Variants in USH2A observed in about 807,000 individuals in gnomAD.
The protein encoded by USH2A is Usher syndrome 2A (autosomal recessive, mild).
A neutral mutation model predicts 538.9 loss-of-function variants in USH2A; 443 were observed. The observed-to-expected ratio is 0.82, with a 90% CI of 0.76 to 0.89. The LOEUF is 0.89. Among genes scored for constraint, USH2A ranks in the 40% least tolerant of loss-of-function variants. The probability of loss-of-function intolerance (pLI) is 0.00; values close to 1 mark genes in which losing one functional copy is unlikely to be tolerated. For synonymous variants in USH2A, 2,413 were observed against 2,273.5 expected (o/e 1.06, Z -1.75); for missense variants, 6,633 against 6,324.8 (o/e 1.05, Z -1.65).
At chr1:216,243,666 T>G (rs1463736927) in intron 13 of USH2A, among the ~76,000 whole-genome samples, 1 of 152,170 alleles carries the variant, frequency 6.6e-6, no homozygotes, top group Non-Finnish European at 1.5e-5. Flanking sequence ...ATATGGAAGT[T>G]CCCTGTAGAG....
intron 49 of USH2A, among the ~76,000 whole-genome samples, chr1:215,808,107 C>A (rs1292109798): frequency 6.6e-6 from 1 of 152,108 alleles, no homozygotes; most frequent in Non-Finnish European, 1.5e-5. Flanking sequence ...GGAAACACTA[C>A]ACAAAACTTA....
At chr1:216,312,849 T>A (rs1571690379) in intron 9 of USH2A, among the ~76,000 whole-genome samples, 2 of 152,306 alleles carry the variant, frequency 1.3e-5, no homozygotes, top group Middle Eastern at 3.4e-3. Context: ...TTTGTTTGTT[T>A]GTTTTTGGTG....
At chr1:215,777,169 A>G (rs1363755498) in intron 55 of USH2A, among the ~76,000 whole-genome samples, 1 of 152,178 alleles carries the variant, frequency 6.6e-6, no homozygotes, top group Non-Finnish European at 1.5e-5. Flanking sequence ...ACCTTAAAAT[A>G]TTTATGCTAA....
intron 35 of USH2A, among the ~76,000 whole-genome samples, chr1:215,990,976 T>A (rs896726032): frequency 6.6e-6 from 1 of 152,022 alleles, no homozygotes. Flanking sequence ...TTAGCCAGGA[T>A]GGTCTCGATC....
chr1:215,772,673 A>G (rs1282311133), intron 55 of USH2A, among the ~76,000 whole-genome samples: 1 of 152,238 alleles, frequency 6.6e-6, no homozygotes, highest in Non-Finnish European at 1.5e-5. Flanking sequence ...GCTTGCTTCC[A>G]ATTTTTAATC....
chr1:216,029,699 C>A (rs569854166), intron 32 of USH2A, among the ~76,000 whole-genome samples: 1 of 151,690 alleles, frequency 6.6e-6, no homozygotes, highest in Non-Finnish European at 1.5e-5. Context: ...ATTCTCTTAA[C>A]GTCCAGAAAA....
rs1360492847 is a variant in USH2A, at chr1:215,866,537, G to A, written c.8845+470C>T. 2.0e-5 allele frequency among the ~76,000 whole-genome samples: 3 copies of A among 152,266 alleles called. No individual in the cohort carries two copies. In the East Asian group the frequency reaches 5.8e-4, roughly 29 times the overall value. On this transcript the variant is annotated intron_variant, in intron 44 of 71. Coordinates refer to ENST00000307340, the MANE Select transcript of USH2A (RefSeq NM_206933.4). ...ACTGGGAAGAATCTGTTCCATTATT[G>A]CAATCCAATTAAATGGTTCTTGCTA...
intron 32 of USH2A, 62 bp downstream of exon 32, chr1:216,046,369 A>G: frequency 6.2e-7 from 1 of 1,600,142 alleles, no homozygotes; most frequent in Non-Finnish European, 8.6e-7. Context: ...AGAGCCAACT[A>G]TATGTATGTT....
At chr1:215,847,521 T>A (rs1166345750) in intron 44 of USH2A, among the ~76,000 whole-genome samples, 1 of 151,968 alleles carries the variant, frequency 6.6e-6, no homozygotes, top group Non-Finnish European at 1.5e-5. Context: ...GGCACACACC[T>A]GTAGTCCCAG....
intron 14 of USH2A, among the ~76,000 whole-genome samples, chr1:216,220,185 G>C (rs985897673): frequency 6.6e-6 from 1 of 151,870 alleles, no homozygotes; most frequent in Non-Finnish European, 1.5e-5. Context: ...TATATCCCAA[G>C]ATATATAGGT....
intron 32 of USH2A, among the ~76,000 whole-genome samples, chr1:216,010,262 T>C (rs1367864916): frequency 6.6e-6 from 1 of 152,124 alleles, no homozygotes; most frequent in East Asian, 1.9e-4. Flanking sequence ...CAGAACCTCC[T>C]CCTCCAGGAG....
At chr1:216,072,766 C>A in intron 29 of USH2A, 123 bp downstream of exon 29, 1 of 926,468 alleles carries the variant, frequency 1.1e-6, no homozygotes, top group South Asian at 1.3e-5. Context: ...CAAACCAAGG[C>A]ATGCTCTGTC....
At position 215,888,718 on chromosome 1, in the gene USH2A, C is replaced by A; in HGVS notation, c.7931G>T (p.Trp2644Leu). The A allele has an allele frequency of 6.2e-7, 1 of 1,614,032 alleles. No homozygotes were observed. The highest frequency in any genetic ancestry group is 8.5e-7 in the Non-Finnish European group (1 of 1,180,006). ...SDTPTSVIIS[W>L]QPPTHPNGLV... ...GCCATTGGGGTGGGTAGGGGGTTGCCAAGATATAATCACAGATGTTGGAGT... is the reference window on the plus strand; with the variant it reads ...GCCATTGGGGTGGGTAGGGGGTTGCAAAGATATAATCACAGATGTTGGAGT... The change falls in exon 41 of 72, where the codon TGG (tryptophan) becomes TTG (leucine). Residue 2644 changes from tryptophan to leucine, a missense_variant. By Grantham distance (61) the Trp-to-Leu change is moderately conservative. Coordinates refer to ENST00000307340, the MANE Select transcript of USH2A (RefSeq NM_206933.4).
intron 12 of USH2A, among the ~76,000 whole-genome samples, chr1:216,247,573 A>G (rs190654276): frequency 1.3e-5 from 2 of 152,342 alleles, no homozygotes; most frequent in Admixed American, 6.5e-5. Context: ...AAATTATAGT[A>G]GAATTACATA....
intron 61 of USH2A, among the ~76,000 whole-genome samples, chr1:215,694,554 CAG>C (rs991659724): frequency 6.6e-6 from 1 of 152,124 alleles, no homozygotes; most frequent in Non-Finnish European, 1.5e-5. Context: ...GCCTGGGTGA[CAG>C]AGAGAGACTC....
chr1:216,368,589 C>G (rs567898636), intron 3 of USH2A, among the ~76,000 whole-genome samples: 1 of 152,158 alleles, frequency 6.6e-6, no homozygotes, highest in Admixed American at 6.5e-5. Flanking sequence ...ATGAGCTACA[C>G]CAACAAGAGT....
At chr1:216,104,239 C>G (rs2032674156) in intron 21 of USH2A, among the ~76,000 whole-genome samples, 1 of 151,628 alleles carries the variant, frequency 6.6e-6, no homozygotes, top group Admixed American at 6.6e-5. Flanking sequence ...ACAACAGGCC[C>G]TGGTGTGTGA....
chr1:215,836,445 A>ATG (rs1169905149), intron 47 of USH2A, among the ~76,000 whole-genome samples: 2 of 85,204 alleles, frequency 2.3e-5, no homozygotes, highest in African/African-American at 4.1e-5. Context: ...TTTGCCTTCT[A>ATG]TGTGTGTGTG....
chr1:216,329,781 C>T (rs1404966789), intron 4 of USH2A, among the ~76,000 whole-genome samples: 1 of 152,020 alleles, frequency 6.6e-6, no homozygotes, highest in Non-Finnish European at 1.5e-5. Flanking sequence ...CGCTATAGTC[C>T]TAGGCATTCT....
Sources: gnomAD v4.1 joint callset for allele counts (sites outside exome capture counted in the v4.1 genomes callset) on GRCh38, gnomAD v4.1.1 for gene constraint, MANE v1.5 for transcripts, NCBI Gene and HGNC (gene_info 2026-07-23, HGNC 2026-07-21) for gene names.